Variants in ANKRD10 observed in about 807,000 individuals in gnomAD.
The protein encoded by ANKRD10 is ankyrin repeat domain-containing protein 10.
Under a neutral mutation model 27.0 loss-of-function variants are expected in ANKRD10, and 14 were observed. The ratio of observed to expected loss-of-function variants is 0.52; its 90% confidence interval spans 0.34 to 0.81. The LOEUF (loss-of-function observed/expected upper bound fraction) is 0.81. Among genes scored for constraint, ANKRD10 ranks in the 40% least tolerant of loss-of-function variants. ANKRD10 has a pLI of 0.01. For missense variants in ANKRD10, 493 were observed against 544.0 expected (o/e 0.91, Z 0.93); for synonymous variants, 250 against 224.5 (o/e 1.11, Z -1.01).
rs893737217 is a variant in ANKRD10 at position 110,906,892 on chromosome 13, C to G, written c.364-768G>C. On this transcript the variant is annotated intron_variant, in intron 2 of 5. Transcript: ENST00000267339. Reference sequence around the variant, plus strand: ...GAAAAGTGAGCAGACCCAGGAAAGCCACTGTGAACATCAGCAGTCAACCCA... The same window carrying G: ...GAAAAGTGAGCAGACCCAGGAAAGCGACTGTGAACATCAGCAGTCAACCCA... Among the ~76,000 whole-genome samples, 3 of 151,936 alleles carry G rather than the reference C, an allele frequency of 2.0e-5. No individual in the cohort carries two copies. In the Middle Eastern group the frequency reaches 0.01, roughly 517 times the overall value.
At chr13:110,902,049 G>GAA (rs10656736) in intron 3 of ANKRD10, among the ~76,000 whole-genome samples, 25,865 of 114,608 alleles carry the variant, frequency 0.23, 3,280 homozygotes, top group South Asian at 0.31. Flanking sequence ...TCTCTTTTTA[G>GAA]AAAAAAAAAA....
At chr13:110,901,878 T>C (rs7323481) in intron 3 of ANKRD10, among the ~76,000 whole-genome samples, 1 of 152,060 alleles carries the variant, frequency 6.6e-6, no homozygotes, top group Non-Finnish European at 1.5e-5. Context: ...CCATCTCTAC[T>C]AAACATTTTT....
intron 3 of ANKRD10, among the ~76,000 whole-genome samples, chr13:110,893,714 CGA>C (rs2065144802): frequency 6.6e-6 from 1 of 152,240 alleles, no homozygotes; most frequent in Non-Finnish European, 1.5e-5. Flanking sequence ...GGCTCACCAA[CGA>C]GCCAGCCTTC....
At chr13:110,910,557 A>G in intron 2 of ANKRD10, 61 bp downstream of exon 2, 1 of 1,594,158 alleles carries the variant, frequency 6.3e-7, no homozygotes, top group Non-Finnish European at 8.6e-7. Flanking sequence ...AATACCGTGT[A>G]TAATTATAAC....
intron 2 of ANKRD10, among the ~76,000 whole-genome samples, chr13:110,909,293 G>A (rs980757328): frequency 6.6e-6 from 1 of 152,122 alleles, no homozygotes; most frequent in Non-Finnish European, 1.5e-5. Flanking sequence ...TAAAGAGATT[G>A]AGCCACAAAG....
rs150031968 is a variant in ANKRD10, at chr13:110,902,896, C to G, written c.455+3137G>C. ...ATGGAAACATCCTCCACTTATCTCT[C>G]AAGAAAATAAACACAAATCAGCCAA... On this transcript the variant is annotated intron_variant, in intron 3 of 5. Transcript: ENST00000267339. 3.9e-5 allele frequency among the ~76,000 whole-genome samples: 6 copies of G among 152,270 alleles called. No individual in the cohort carries two copies. The East Asian group carries it at 1.2e-3, about 29-fold the overall frequency.
At chr13:110,912,452 A>G (rs1360069917) in intron 1 of ANKRD10, among the ~76,000 whole-genome samples, 1 of 152,250 alleles carries the variant, frequency 6.6e-6, no homozygotes, top group East Asian at 1.9e-4. Flanking sequence ...AAATGAAAGT[A>G]TTAATTAGCG....
At chr13:110,890,206 T>TC (rs1243163837) in intron 4 of ANKRD10, among the ~76,000 whole-genome samples, 2 of 151,982 alleles carry the variant, frequency 1.3e-5, no homozygotes, top group African/African-American at 4.8e-5. Flanking sequence ...AAAAAACTGG[T>TC]CAGTTAATAT....
At chr13:110,900,947 A>G (rs1008724124) in intron 3 of ANKRD10, among the ~76,000 whole-genome samples, 1 of 152,250 alleles carries the variant, frequency 6.6e-6, no homozygotes, top group African/African-American at 2.4e-5. Flanking sequence ...GTAATTTTTT[A>G]GCATGAAGCC....
intron 4 of ANKRD10, among the ~76,000 whole-genome samples, chr13:110,884,181 C>A (rs1454941296): frequency 6.6e-6 from 1 of 150,722 alleles, no homozygotes; most frequent in Non-Finnish European, 1.5e-5. Context: ...TTAAAACAAT[C>A]CTGATTTTTT....
chr13:110,894,937 G>A (rs934860044), intron 3 of ANKRD10: 17 of 152,170 alleles, frequency 1.1e-4, no homozygotes, highest in Admixed American at 3.3e-4. Context: ...CTAATATTAC[G>A]TGACAGCTTC....
intron 3 of ANKRD10, chr13:110,894,343 C>A: frequency 3.3e-6 from 1 of 300,694 alleles, no homozygotes; most frequent in Non-Finnish European, 6.2e-6. Flanking sequence ...AGGCCTTGTG[C>A]TGTGTCACTC....
At chr13:110,900,700 A>G (rs1023934059) in intron 3 of ANKRD10, 3 of 1,349,568 alleles carry the variant, frequency 2.2e-6, no homozygotes, top group Non-Finnish European at 2.9e-6. Context: ...CGTAGCTGTA[A>G]AACATTGACA....
chr13:110,909,925 T>C (rs1203593021), intron 2 of ANKRD10, among the ~76,000 whole-genome samples: 1 of 152,208 alleles, frequency 6.6e-6, no homozygotes, highest in African/African-American at 2.4e-5. Context: ...AAATTATCAA[T>C]TAGTCTAAGG....
chr13:110,896,734 G>T (rs1046820152), intron 3 of ANKRD10, among the ~76,000 whole-genome samples: 1 of 152,170 alleles, frequency 6.6e-6, no homozygotes, highest in Non-Finnish European at 1.5e-5. Flanking sequence ...ATTGAGCATG[G>T]CTCTCATAAA....
In ANKRD10 at chr13:110,914,870, A is replaced by G. The variant is rs1479098472; in HGVS notation, c.65T>C (p.Leu22Pro). ...GCAGGCGCGGTGCAGCGGGAAACGG[A>G]GCGAGAGCAGCTCCTCGCTGGAGAA... ...AGFSSEELLS[L>P]RFPLHRACRD... is the part of the protein sequence containing the mutation. Residue 22 changes from leucine (L) to proline (P), a missense_variant, in exon 1 of 6, where the codon CTC becomes CCC. Transcript: ENST00000267339. The G allele has an allele frequency of 3.2e-6, 5 of 1,549,782 alleles. No homozygotes were observed. In the African/African-American group the frequency reaches 4.1e-5, roughly 13 times the overall value.
intron 2 of ANKRD10, 39 bp from the exon 3 acceptor site, chr13:110,906,163 C>A (rs1166522721): frequency 2.0e-6 from 3 of 1,489,400 alleles, no homozygotes; most frequent in Non-Finnish European, 2.7e-6. Flanking sequence ...ATACTTAGAA[C>A]AAAACTTCTG....
intron 3 of ANKRD10, chr13:110,905,229 G>A (rs560209730): frequency 1.6e-4 from 25 of 152,262 alleles, no homozygotes; most frequent in Admixed American, 6.5e-4. Context: ...TGTTAATGCT[G>A]TGAACTGCAG....
chr13:110,894,031 A>C lies in ANKRD10; in HGVS notation c.456-768T>G, dbSNP rs930384111. Reference sequence around the variant, plus strand: ...AGGTCTGAGACCTCTACAGTAGCTAAAACTCAGATTCAAGTAGGAAGTGAT... The same window carrying C: ...AGGTCTGAGACCTCTACAGTAGCTACAACTCAGATTCAAGTAGGAAGTGAT... On this transcript the variant is annotated intron_variant, in intron 3 of 5. Coordinates refer to ENST00000267339, the MANE Select transcript of ANKRD10 (RefSeq NM_017664.4). The C allele has an allele frequency of 8.3e-6, 9 of 1,086,730 alleles. No homozygotes were observed. In the Admixed American group the frequency reaches 1.6e-4, roughly 19 times the overall value. 67.3% of individuals were successfully genotyped at this position (1,086,730 alleles called of 1,614,324 possible).
Sources: gnomAD v4.1 joint callset for allele counts (sites outside exome capture counted in the v4.1 genomes callset) on GRCh38, gnomAD v4.1.1 for gene constraint, MANE v1.5 for transcripts, NCBI Gene and HGNC (gene_info 2026-07-23, HGNC 2026-07-21) for gene names.